The following MACROD2 variants were observed in gnomAD, a reference collection of about 807,000 sequenced individuals.
MACROD2 encodes the protein ADP-ribose glycohydrolase MACROD2.
Under a neutral mutation model 70.4 loss-of-function variants are expected in MACROD2, and 36 were observed. That is an observed-to-expected ratio of 0.51 (90% CI 0.39 to 0.68). The LOEUF is 0.68. Among genes scored for constraint, MACROD2 ranks in the 30% least tolerant of loss-of-function variants. MACROD2 has a pLI of 0.00. For missense variants in MACROD2, 496 were observed against 538.4 expected (o/e 0.92, Z 0.78); for synonymous variants, 172 against 178.8 (o/e 0.96, Z 0.30).
intron 4 of MACROD2, among the ~76,000 whole-genome samples, chr20:14,591,781 T>C (rs1380076343): frequency 2.0e-5 from 3 of 152,200 alleles, no homozygotes; most frequent in Non-Finnish European, 4.4e-5. Context: ...ACACTTTCGC[T>C]GTAATAGTCA....
chr20:15,287,644 G>A (rs544404298), intron 6 of MACROD2, among the ~76,000 whole-genome samples: 1 of 152,306 alleles, frequency 6.6e-6, no homozygotes, highest in African/African-American at 2.4e-5. Context: ...AGAAAGCTGA[G>A]ATGGGAAGTC....
At chr20:14,302,182 G>A (rs568428792) in intron 3 of MACROD2, among the ~76,000 whole-genome samples, 1 of 152,240 alleles carries the variant, frequency 6.6e-6, no homozygotes, top group Non-Finnish European at 1.5e-5. Context: ...GCTTTTATCT[G>A]GAGTCTCTGG....
At chr20:14,003,649 A>T in intron 2 of MACROD2, 1 of 452,854 alleles carries the variant, frequency 2.2e-6, no homozygotes, top group Non-Finnish European at 4.4e-6. Context: ...TCAGAACAGA[A>T]GGGTGGGAAG....
At chr20:15,699,541 GC>G in intron 8 of MACROD2, among the ~76,000 whole-genome samples, 1 of 152,148 alleles carries the variant, frequency 6.6e-6, no homozygotes, top group Non-Finnish European at 1.5e-5. Flanking sequence ...CTGTTTTTGT[GC>G]TGGTTGGCCT....
chr20:14,457,091 A>G (rs1349915032), intron 3 of MACROD2, among the ~76,000 whole-genome samples: 1 of 151,936 alleles, frequency 6.6e-6, no homozygotes, highest in East Asian at 1.9e-4. Context: ...TCAGAATTAC[A>G]TAGTGGAGTT....
chr20:14,221,483 T>C (rs1336362273), intron 3 of MACROD2, among the ~76,000 whole-genome samples: 1 of 151,938 alleles, frequency 6.6e-6, no homozygotes, highest in Non-Finnish European at 1.5e-5. Context: ...AAAAACCAAC[T>C]CAAGACAGAT....
chr20:15,919,932 A>G (rs2065377455), intron 10 of MACROD2, among the ~76,000 whole-genome samples: 1 of 152,208 alleles, frequency 6.6e-6, no homozygotes, highest in South Asian at 2.1e-4. Context: ...CTAATGAAAA[A>G]TTGAGGGTAA....
At chr20:14,100,831 A>G (rs1267543872) in intron 3 of MACROD2, among the ~76,000 whole-genome samples, 2 of 124,200 alleles carry the variant, frequency 1.6e-5, no homozygotes, top group African/African-American at 2.8e-5. Context: ...TATATAACAT[A>G]TATAATATAA....
intron 9 of MACROD2, among the ~76,000 whole-genome samples, chr20:15,874,522 C>G (rs551497374): frequency 4.6e-5 from 7 of 152,184 alleles, no homozygotes; most frequent in Admixed American, 2.6e-4. Flanking sequence ...CTAATTTACA[C>G]TCCCACCAAC....
intron 6 of MACROD2, among the ~76,000 whole-genome samples, chr20:15,360,613 G>A (rs2078341011): frequency 6.6e-6 from 1 of 151,932 alleles, no homozygotes; most frequent in Admixed American, 6.6e-5. Flanking sequence ...CATATGATAA[G>A]TTCATGGTGC....
At chr20:15,570,749 A>G (rs2048366543) in intron 8 of MACROD2, among the ~76,000 whole-genome samples, 1 of 152,154 alleles carries the variant, frequency 6.6e-6, no homozygotes, top group South Asian at 2.1e-4. Context: ...ATCCTCAAAA[A>G]TCCTCAGATT....
chr20:14,154,907 G>A (rs2055078248), intron 3 of MACROD2, among the ~76,000 whole-genome samples: 1 of 152,068 alleles, frequency 6.6e-6, no homozygotes, highest in African/African-American at 2.4e-5. Context: ...ATAATTATTT[G>A]TTTACATGAA....
chr20:14,689,313 C>T (rs753416512), intron 5 of MACROD2, among the ~76,000 whole-genome samples: 1 of 152,134 alleles, frequency 6.6e-6, no homozygotes, highest in South Asian at 2.1e-4. Flanking sequence ...TTACTTATTT[C>T]TTTTGTTTCT....
At position 14,458,065 on chromosome 20, in the gene MACROD2, C is replaced by T. The variant is rs369075856; in HGVS notation, c.272-35414C>T. ...GCAGTGAGCAGAGATCACGCCATTGCACTCCAGCCTACATGACAGAACAAG... is the reference window on the plus strand; with the variant it reads ...GCAGTGAGCAGAGATCACGCCATTGTACTCCAGCCTACATGACAGAACAAG... On this transcript the variant is annotated intron_variant, in intron 3 of 17. Transcript: ENST00000684519. Among the ~76,000 whole-genome samples, 23 of 151,514 alleles carry T rather than the reference C, an allele frequency of 1.5e-4. 1 individual carries two copies. The South Asian group carries it at 4.4e-3, about 29-fold the overall frequency.
At chr20:14,645,867 T>TA (rs900744944) in intron 4 of MACROD2, among the ~76,000 whole-genome samples, 7 of 151,956 alleles carry the variant, frequency 4.6e-5, no homozygotes, top group Non-Finnish European at 8.8e-5. Flanking sequence ...TCAAGGCAGA[T>TA]AAAAAACTCC....
intron 3 of MACROD2, among the ~76,000 whole-genome samples, chr20:14,089,148 T>C (rs2054117669): frequency 6.6e-6 from 1 of 152,232 alleles, no homozygotes; most frequent in Non-Finnish European, 1.5e-5. Flanking sequence ...CTCACCTCTC[T>C]GGTTGTGATG....
At chr20:14,569,765 C>T (rs549356360) in intron 4 of MACROD2, among the ~76,000 whole-genome samples, 13 of 151,872 alleles carry the variant, frequency 8.6e-5, no homozygotes, top group African/African-American at 3.1e-4. Flanking sequence ...GGTCCCGGGA[C>T]TAGCATAGAC....
chr20:14,358,741 C>G (rs1201588892), intron 3 of MACROD2, among the ~76,000 whole-genome samples: 1 of 152,168 alleles, frequency 6.6e-6, no homozygotes, highest in Non-Finnish European at 1.5e-5. Flanking sequence ...CAGGCGTGAG[C>G]CACTGCGCTT....
chr20:15,582,613 G>C (rs1156625237), intron 8 of MACROD2, among the ~76,000 whole-genome samples: 2 of 152,204 alleles, frequency 1.3e-5, no homozygotes, highest in African/African-American at 4.8e-5. Context: ...CTACCTGCTA[G>C]AATTCTACTT....
Sources: allele counts gnomAD v4.1 joint callset (sites outside exome capture counted in the v4.1 genomes callset), GRCh38; gene constraint gnomAD v4.1.1; transcripts MANE v1.5; gene names NCBI Gene and HGNC (gene_info 2026-07-23, HGNC 2026-07-21).